GABRA4: variants seen among roughly 807,000 people sequenced by gnomAD.
GABRA4 encodes the protein gamma-aminobutyric acid receptor subunit alpha-4.
A neutral mutation model predicts 49.7 loss-of-function variants in GABRA4; 12 were observed. The observed-to-expected ratio is 0.24, with a 90% CI of 0.15 to 0.39. GABRA4 has a LOEUF of 0.39. Ranked by LOEUF, GABRA4 falls within the 10% of genes least tolerant of loss-of-function variation. The probability of loss-of-function intolerance (pLI) is 1.00; values close to 1 mark genes in which losing one functional copy is unlikely to be tolerated. For missense variants in GABRA4, 506 were observed against 686.0 expected, an observed-to-expected ratio of 0.74 and a Z score of 2.93; for synonymous variants, 288 against 240.2, an observed-to-expected ratio of 1.20 and a Z score of -1.84.
chr4:46,967,100 C>T (rs969403484), intron 7 of GABRA4, among the ~76,000 whole-genome samples: 8 of 151,694 alleles, frequency 5.3e-5, no homozygotes, highest in African/African-American at 1.7e-4. Flanking sequence ...TTTTCTTGTT[C>T]ATAACAATTT....
At chr4:46,964,017 TATAA>T (rs1428318588) in intron 8 of GABRA4, among the ~76,000 whole-genome samples, 1 of 151,794 alleles carries the variant, frequency 6.6e-6, no homozygotes, top group South Asian at 2.1e-4. Context: ...CCTAAGTGTC[TATAA>T]ACTGATAAAT....
intron 8 of GABRA4, among the ~76,000 whole-genome samples, chr4:46,938,252 C>A (rs534026517): frequency 6.6e-6 from 1 of 152,014 alleles, no homozygotes; most frequent in East Asian, 1.9e-4. Context: ...CAAACTCAGA[C>A]AATATTTGCA....
chr4:46,990,917 G>A lies in GABRA4; in HGVS notation c.205+1911C>T, dbSNP rs112910496. ...CAAATGCTGGCCCGGCGCGGCTCAC[G>A]CCTATAATCCCAGCACTTTGGGAGG... On this transcript the variant is annotated intron_variant, in intron 2 of 8. Coordinates refer to ENST00000264318, the MANE Select transcript of GABRA4 (RefSeq NM_000809.4). Among the ~76,000 whole-genome samples, 129 of 152,282 alleles carry A rather than the reference G, an allele frequency of 8.5e-4. 1 individual carries two copies. The highest frequency in any genetic ancestry group is 2.8e-3 in the African/African-American group (116 of 41,564).
Position 46,919,616 on chromosome 4 carries a change from G to A in GABRA4, c.*8609C>T, listed in dbSNP as rs371030573. 3.3e-5 allele frequency: 5 copies of A among 151,348 alleles called. No homozygotes were observed. Among genetic ancestry groups the A allele is most frequent in the African/African-American group, 1.2e-4 (5 of 41,344 alleles). 9.4% of individuals were successfully genotyped at this position (151,348 alleles called of 1,614,324 possible). On this transcript the variant is annotated 3_prime_UTR_variant, in exon 9 of 9. Transcript: ENST00000264318. Reference sequence around the variant, plus strand: ...ATTGTTTTTTTACTTCTATAATAAGGAATATTTTCAATTGTACAACTAAAC... The same window carrying A: ...ATTGTTTTTTTACTTCTATAATAAGAAATATTTTCAATTGTACAACTAAAC...
intron 8 of GABRA4, among the ~76,000 whole-genome samples, chr4:46,957,827 C>T (rs949347276): frequency 6.6e-5 from 10 of 151,706 alleles, no homozygotes; most frequent in African/African-American, 2.2e-4. Context: ...ATAATTTACT[C>T]AATGGTAAAA....
At chr4:46,934,021 T>C (rs1721527829) in intron 8 of GABRA4, among the ~76,000 whole-genome samples, 3 of 152,136 alleles carry the variant, frequency 2.0e-5, no homozygotes, top group Admixed American at 1.3e-4. Flanking sequence ...CAAAAAAAAC[T>C]CATCTCAACT....
Position 46,920,071 on chromosome 4 carries a change from C to T in GABRA4, c.*8154G>A, listed in dbSNP as rs1720923421. 6.6e-6 allele frequency: 1 copy of T among 151,506 alleles called. No homozygotes were observed. The highest frequency in any genetic ancestry group is 2.4e-5 in the African/African-American group (1 of 41,368). The allele number at this position is 151,506 out of a possible 1,614,324, so 9.4% of individuals were successfully genotyped here. A position where few individuals can be genotyped will look rare whatever the true frequency, so the allele number is the denominator to read the frequency against. On this transcript the variant is annotated 3_prime_UTR_variant, in exon 9 of 9. Coordinates refer to ENST00000264318, the MANE Select transcript of GABRA4 (RefSeq NM_000809.4). ...CCAACATGCTGCACTGTGTTAGCAA[C>T]ATCTGTAAAGACAAAATGTAGACTA...
chr4:46,957,620 T>C (rs547073956), intron 8 of GABRA4, among the ~76,000 whole-genome samples: 4 of 152,126 alleles, frequency 2.6e-5, no homozygotes, highest in African/African-American at 9.6e-5. Context: ...TTAATTTGCT[T>C]CTTCATTAAA....
chr4:46,964,583 G>T (rs1198309374), intron 8 of GABRA4, among the ~76,000 whole-genome samples: 1 of 151,562 alleles, frequency 6.6e-6, no homozygotes, highest in Non-Finnish European at 1.5e-5. Flanking sequence ...AATTTTTAAA[G>T]ACACAAACAA....
rs1006014596 is a variant in GABRA4, at chr4:46,979,049, A to C, written c.255T>G (p.Pro85=). The change falls in exon 3 of 9, where the codon CCT becomes CCG. Residue 85 remains proline, a synonymous_variant. Transcript: ENST00000264318. ...TACCTACCATTTCAACATCAGAAACAGGTCCAAAGCTGGTGACATATATGT... is the reference window on the plus strand; with the variant it reads ...TACCTACCATTTCAACATCAGAAACCGGTCCAAAGCTGGTGACATATATGT... The part of the protein sequence containing the change: ...KTDIYVTSFG[P]VSDVEMEYTM... 2 of 1,610,138 alleles carry C rather than the reference A, an allele frequency of 1.2e-6. No individual in the cohort carries two copies. Among genetic ancestry groups the C allele is most frequent in the East Asian group, 4.5e-5 (2 of 44,744 alleles).
intron 8 of GABRA4, among the ~76,000 whole-genome samples, chr4:46,929,592 A>G (rs973985023): frequency 6.6e-6 from 1 of 152,124 alleles, no homozygotes; most frequent in Admixed American, 6.6e-5. Context: ...AAATTCTTAT[A>G]ATATTGACAG....
Position 46,928,808 on chromosome 4 carries a change from T to C in GABRA4, c.1135-53A>G, listed in dbSNP as rs1029308192. 3.9e-5 allele frequency: 50 copies of C among 1,270,612 alleles called. 1 individual carries two copies. The highest frequency in any genetic ancestry group is 3.9e-4 in the African/African-American group (26 of 66,546). The allele number at this position is 1,270,612 out of a possible 1,614,324, so 78.7% of individuals were successfully genotyped here. A position where few individuals can be genotyped will look rare whatever the true frequency, so the allele number is the denominator to read the frequency against. On this transcript the variant is annotated intron_variant, in intron 8 of 8. Transcript: ENST00000264318. ...GGTTATGTAACTTTATGCAGATTTG[T>C]ACAAAATTTAAAGGGATCAAAATTC... is the stretch of plus-strand genomic sequence containing the variant.
Position 46,964,954 on chromosome 4 carries a change from G to A in GABRA4, c.1134+16C>T. 1 of 1,562,884 alleles carries A rather than the reference G, an allele frequency of 6.4e-7. No individual in the cohort carries two copies. On this transcript the variant is annotated intron_variant, in intron 8 of 8. Transcript: ENST00000264318. The stretch of plus-strand genomic sequence containing the variant: ...GAAGCTAAAATCTTAAACTGAAGGT[G>A]GATTAAGTCAAATACCTGCAGAGGG...
At chr4:46,941,534 T>C (rs1213382827) in intron 8 of GABRA4, among the ~76,000 whole-genome samples, 1 of 152,114 alleles carries the variant, frequency 6.6e-6, no homozygotes, top group Non-Finnish European at 1.5e-5. Flanking sequence ...TCTATTGTTA[T>C]CATTTAATAT....
At chr4:46,978,134 T>C (rs951837277) in intron 3 of GABRA4, among the ~76,000 whole-genome samples, 4 of 151,998 alleles carry the variant, frequency 2.6e-5, no homozygotes, top group Non-Finnish European at 5.9e-5. Context: ...ATGAATAAAC[T>C]AAAGTAAGTT....
At chr4:46,978,687 C>CAAAAAAAAAAAAAAAAAAAA (rs71193889) in intron 3 of GABRA4, among the ~76,000 whole-genome samples, 15 of 21,642 alleles carry the variant, frequency 6.9e-4, no homozygotes, top group Non-Finnish European at 8.9e-4. Context: ...AACTTCATCT[C>CAAAAAAAAAAAAAAAAAAAA]AAAAAAAAAA....
At chr4:46,962,943 T>C (rs1212729556) in intron 8 of GABRA4, among the ~76,000 whole-genome samples, 2 of 151,778 alleles carry the variant, frequency 1.3e-5, no homozygotes, top group South Asian at 4.1e-4. Context: ...CTCTGCCATA[T>C]ACAAGAATCA....
intron 2 of GABRA4, among the ~76,000 whole-genome samples, chr4:46,991,736 C>T (rs1723753299): frequency 2.1e-5 from 1 of 48,254 alleles, no homozygotes; most frequent in Non-Finnish European, 5.5e-5. Context: ...ATTTCCTTAT[C>T]TGTAAAGTGG....
At chr4:46,933,910 C>T (rs1721525058) in intron 8 of GABRA4, among the ~76,000 whole-genome samples, 1 of 152,112 alleles carries the variant, frequency 6.6e-6, no homozygotes, top group Admixed American at 6.6e-5. Context: ...TTAAACATTA[C>T]CAACAAATTA....
Sources: gnomAD v4.1 joint callset for allele counts (sites outside exome capture counted in the v4.1 genomes callset) on GRCh38, gnomAD v4.1.1 for gene constraint, MANE v1.5 for transcripts, NCBI Gene and HGNC (gene_info 2026-07-23, HGNC 2026-07-21) for gene names.